The following TFCP2L1 variants were observed in gnomAD, a reference collection of about 807,000 sequenced individuals.
TFCP2L1 encodes transcription factor CP2-like protein 1.
In TFCP2L1, 12 loss-of-function variants were observed where a neutral mutation model predicts 72.2. The observed-to-expected ratio is 0.17, with a 90% CI of 0.11 to 0.27. The LOEUF (loss-of-function observed/expected upper bound fraction) is 0.27, where lower values mean the gene tolerates loss of function less well. Among genes scored for constraint, TFCP2L1 ranks in the 10% least tolerant of loss-of-function variants. The pLI, the probability that TFCP2L1 is intolerant of heterozygous loss-of-function variation, is 1.00. For missense variants in TFCP2L1, 488 were observed against 624.6 expected (o/e 0.78, Z 2.33); for synonymous variants, 260 against 251.0 (o/e 1.04, Z -0.34).
chr2:121,234,239 C>T (rs1186567333), intron 11 of TFCP2L1, 45 bp from the exon 12 acceptor site: 16 of 1,555,988 alleles, frequency 1.0e-5, no homozygotes, highest in East Asian at 4.5e-5. Flanking sequence ...GTGGACCAGG[C>T]GCAGTTGTTT....
At chr2:121,258,850 G>A (rs550046589) in intron 2 of TFCP2L1, among the ~76,000 whole-genome samples, 3 of 152,274 alleles carry the variant, frequency 2.0e-5, no homozygotes, top group Admixed American at 6.5e-5. Context: ...TGATAGGTGA[G>A]GGTATTATAT....
intron 2 of TFCP2L1, among the ~76,000 whole-genome samples, chr2:121,262,381 C>T (rs1686843568): frequency 6.6e-6 from 1 of 152,128 alleles, no homozygotes; most frequent in Admixed American, 6.6e-5. Flanking sequence ...AGGAGAATGG[C>T]TTGAACCCGG....
Position 121,232,107 on chromosome 2 carries a change from T to TTTTG in TFCP2L1, c.1199-140_1199-139insCAAA, listed in dbSNP as rs1573359582. 1.5e-4 allele frequency: 78 copies of TTTTG among 533,414 alleles called. No homozygotes were observed. In the South Asian group the frequency reaches 1.5e-3, roughly 10 times the overall value. 33.0% of individuals were successfully genotyped at this position (533,414 alleles called of 1,614,324 possible). Reference sequence around the variant, plus strand: ...GCGGGGCAGGACCACACTGCCACTCTTTTTGTTTTGTTTTGTTTTGTTTTG... The same window carrying TTTTG: ...GCGGGGCAGGACCACACTGCCACTCTTTTGTTTTGTTTTGTTTTGTTTTGTTTTG... On this transcript the variant is annotated intron_variant, in intron 12 of 14. Coordinates refer to ENST00000263707, the MANE Select transcript of TFCP2L1 (RefSeq NM_014553.3).
At chr2:121,277,756 C>A (rs946820683) in intron 2 of TFCP2L1, among the ~76,000 whole-genome samples, 11 of 151,488 alleles carry the variant, frequency 7.3e-5, no homozygotes, top group African/African-American at 2.7e-4. Flanking sequence ...AGACGGCTGA[C>A]AAATATAGTA....
chr2:121,279,840 G>A (rs189239180), intron 2 of TFCP2L1, among the ~76,000 whole-genome samples: 2 of 152,206 alleles, frequency 1.3e-5, no homozygotes, highest in Non-Finnish European at 2.9e-5. Context: ...ATACCAGTCA[G>A]GGGTAGAGCA....
chr2:121,268,774 C>T (rs1462593865), intron 2 of TFCP2L1, among the ~76,000 whole-genome samples: 1 of 150,128 alleles, frequency 6.7e-6, no homozygotes, highest in East Asian at 1.9e-4. Flanking sequence ...TTCAGGCTGG[C>T]ATTTGAGGGA....
At chr2:121,262,600 G>A (rs185083934) in intron 2 of TFCP2L1, among the ~76,000 whole-genome samples, 18 of 152,308 alleles carry the variant, frequency 1.2e-4, no homozygotes, top group African/African-American at 3.4e-4. Context: ...CGTGGGATCC[G>A]GGAACAACGG....
At chr2:121,237,743 G>C (rs900046778) in intron 9 of TFCP2L1, 27 bp from the exon 10 acceptor site, 1 of 1,614,134 alleles carries the variant, frequency 6.2e-7, no homozygotes, top group African/African-American at 1.3e-5. Flanking sequence ...GAGGCCTTGA[G>C]ATGGTGGCTC....
intron 10 of TFCP2L1, among the ~76,000 whole-genome samples, chr2:121,235,615 T>C (rs1402890789): frequency 6.8e-6 from 1 of 147,362 alleles, no homozygotes; most frequent in Non-Finnish European, 1.5e-5. Flanking sequence ...AAGGTCTCAA[T>C]ATATTGCCTA....
chr2:121,218,879 G>T lies in TFCP2L1; in HGVS notation c.*5462C>A, dbSNP rs1184183433. ...CAGAAAGGTCTGGAAGCTAAGTGGG[G>T]GTTTCAGGAGCTCTCAGGGTGCCCC... is the stretch of plus-strand genomic sequence containing the variant. On this transcript the variant is annotated 3_prime_UTR_variant, in exon 15 of 15. Transcript: ENST00000263707. The T allele has an allele frequency of 1.3e-5, 2 of 152,346 alleles. No individual in the cohort carries two copies. The allele number at this position is 152,346 out of a possible 1,614,324, so 9.4% of individuals were successfully genotyped here. A position where few individuals can be genotyped will look rare whatever the true frequency, so the allele number is the denominator to read the frequency against.
intron 13 of TFCP2L1, among the ~76,000 whole-genome samples, chr2:121,230,615 T>C (rs1686121646): frequency 6.9e-6 from 1 of 145,708 alleles, no homozygotes; most frequent in African/African-American, 2.6e-5. Flanking sequence ...ACCCTGTCTC[T>C]ACAAAAAATT....
At chr2:121,239,693 T>G (rs750721665) in intron 7 of TFCP2L1, 44 bp from the exon 8 acceptor site, 3 of 1,577,538 alleles carry the variant, frequency 1.9e-6, no homozygotes, top group Non-Finnish European at 2.6e-6. Context: ...GGAGAGGCGC[T>G]GAGCCGTGCT....
intron 2 of TFCP2L1, among the ~76,000 whole-genome samples, chr2:121,252,125 C>A (rs1195159493): frequency 6.6e-6 from 1 of 152,192 alleles, no homozygotes; most frequent in Admixed American, 6.5e-5. Context: ...TCAAGACTCA[C>A]TGCAGCCTCA....
chr2:121,237,967 G>A, intron 8 of TFCP2L1, 117 bp from the exon 9 acceptor site: 1 of 1,080,238 alleles, frequency 9.3e-7, no homozygotes, highest in African/African-American at 1.6e-5. Flanking sequence ...TGTTCTAAGT[G>A]AAATGAGTCC....
chr2:121,232,112 GTTTTGTTT>G (rs1686157581), intron 12 of TFCP2L1, 144 bp from the exon 13 acceptor site: 3 of 75,600 alleles, frequency 4.0e-5, no homozygotes, highest in Non-Finnish European at 9.2e-5. Flanking sequence ...CACTCTTTTT[GTTTTGTTT>G]TGTTTTGTTT....
chr2:121,237,668 G>T lies in TFCP2L1; in HGVS notation c.958C>A (p.Arg320Ser). The change falls in exon 10 of 15, where the codon CGC (arginine) becomes AGC (serine). Residue 320 changes from arginine (R) to serine (S), a missense_variant. Physicochemically the swap from Arg to Ser is moderately radical, Grantham distance 110. This residue lies in a region of TFCP2L1 where 286 missense variants were observed against 329.0 expected (regional missense o/e 0.87). Coordinates refer to ENST00000263707, the MANE Select transcript of TFCP2L1 (RefSeq NM_014553.3). ...SIQDAQQWLH[R>S]NRFSQFCRLF... ...CGGCAGAACTGCGAGAACCTGTTGC[G>T]GTGAAGCCACTGCTGGGCATCCTGG... 2 of 1,614,194 alleles carry T rather than the reference G, an allele frequency of 1.2e-6. No individual in the cohort carries two copies. Among genetic ancestry groups the T allele is most frequent in the South Asian group, 2.2e-5 (2 of 91,084 alleles).
chr2:121,271,721 G>T (rs1687051493), intron 2 of TFCP2L1, among the ~76,000 whole-genome samples: 1 of 152,160 alleles, frequency 6.6e-6, no homozygotes, highest in Non-Finnish European at 1.5e-5. Context: ...AACTGTCCTG[G>T]TTTCATAAAT....
At chr2:121,259,311 C>A (rs551724652) in intron 2 of TFCP2L1, among the ~76,000 whole-genome samples, 52 of 152,056 alleles carry the variant, frequency 3.4e-4, no homozygotes, top group Admixed American at 1.4e-3. Flanking sequence ...ATGTTGTCTG[C>A]AACTAACTCT....
intron 2 of TFCP2L1, among the ~76,000 whole-genome samples, chr2:121,279,973 G>C (rs1687222282): frequency 6.6e-6 from 1 of 152,110 alleles, no homozygotes; most frequent in Non-Finnish European, 1.5e-5. Flanking sequence ...TGATGCCAGG[G>C]TGGTCATGAG....
Sources: allele counts gnomAD v4.1 joint callset (sites outside exome capture counted in the v4.1 genomes callset), GRCh38; gene constraint gnomAD v4.1.1; regional missense constraint gnomAD v4.1.1; transcripts MANE v1.5; gene names NCBI Gene and HGNC (gene_info 2026-07-23, HGNC 2026-07-21).